Variants in LRPAP1 observed in about 807,000 individuals in gnomAD.
LRPAP1 encodes the protein LDL receptor related protein associated protein 1, also known as alpha-2-macroglobulin receptor-associated protein.
Under a neutral mutation model 39.9 loss-of-function variants are expected in LRPAP1, and 41 were observed. The observed-to-expected ratio is 1.03, with a 90% CI of 0.80 to 1.33. The LOEUF (loss-of-function observed/expected upper bound fraction) is 1.33. Ranked by LOEUF, LRPAP1 falls within the 40% of genes most tolerant of loss-of-function variation. LRPAP1 has a pLI of 0.00. For missense variants in LRPAP1, 565 were observed against 482.3 expected (o/e 1.17, Z -1.61); for synonymous variants, 263 against 212.7 (o/e 1.24, Z -2.06).
chr4:3,522,955 G>A (rs1275533083), intron 2 of LRPAP1, among the ~76,000 whole-genome samples: 1 of 152,164 alleles, frequency 6.6e-6, no homozygotes, highest in African/African-American at 2.4e-5. Flanking sequence ...GGGACCTCGG[G>A]GGTCCAGGGA....
intron 1 of LRPAP1, among the ~76,000 whole-genome samples, chr4:3,527,726 T>C (rs985840822): frequency 6.6e-6 from 1 of 152,192 alleles, no homozygotes; most frequent in African/African-American, 2.4e-5. Flanking sequence ...TGACTGCCCA[T>C]GGGCTGCCTG....
At chr4:3,520,953 AC>A (rs1486724578) in intron 2 of LRPAP1, among the ~76,000 whole-genome samples, 4 of 152,220 alleles carry the variant, frequency 2.6e-5, no homozygotes, top group African/African-American at 9.6e-5. Flanking sequence ...CAGGCGCTCG[AC>A]GCGGGCCCTG....
chr4:3,518,948 A>G lies in LRPAP1; in HGVS notation c.515T>C (p.Leu172Pro). 1 of 1,614,038 alleles carries G rather than the reference A, an allele frequency of 6.2e-7. No individual in the cohort carries two copies. The highest frequency in any genetic ancestry group is 8.5e-7 in the Non-Finnish European group (1 of 1,179,980). ...TTTGTGATGCAGGAACTCCCGCCAG[A>G]GCTTGTCCAGTTCTTCGCCGGAGAA... ...GKFSGEELDK[L>P]WREFLHHKEK... Residue 172 changes from leucine (L) to proline (P), a missense_variant, in exon 4 of 8, where the codon CTC becomes CCC. Leu to Pro is a moderately conservative substitution (Grantham distance 98). Coordinates refer to ENST00000650182, the MANE Select transcript of LRPAP1 (RefSeq NM_002337.4).
In LRPAP1 at chr4:3,509,804, G is replaced by A. The variant is rs994527629; in HGVS notation, c.*3170C>T. On this transcript the variant is annotated 3_prime_UTR_variant, in exon 8 of 8. Transcript: ENST00000650182. ...TGAGACGCCGACTGGAGTCACACAC[G>A]GCAGTCAACGCGTGGACACTGGAGA... The A allele has an allele frequency of 3.9e-5, 5 of 127,462 alleles. No individual in the cohort carries two copies. Among genetic ancestry groups the A allele is most frequent in the Admixed American group, 8.2e-5 (1 of 12,176 alleles). 7.9% of individuals were successfully genotyped at this position (127,462 alleles called of 1,614,324 possible).
rs940283148 is a variant in LRPAP1, at chr4:3,532,292, G to A, written c.121C>T (p.Gln41Ter). Residue 41 changes from glutamine to a stop codon, truncating the protein, a stop_gained, in exon 1 of 8, where the codon CAG becomes TAG. Coordinates refer to ENST00000650182, the MANE Select transcript of LRPAP1 (RefSeq NM_002337.4). LOFTEE classifies it high-confidence loss of function. ...TCGCGTTTCGGGGACGGCTTGGGCTGGTTCTTCTCCCGCGAGTACTTGCCG... is the reference window on the plus strand; with the variant it reads ...TCGCGTTTCGGGGACGGCTTGGGCTAGTTCTTCTCCCGCGAGTACTTGCCG... ...HGGKYSREKNQPKPSPKRESG... is the reference protein window; with the variant it reads ...HGGKYSREKN 3.8e-6 allele frequency: 6 copies of A among 1,567,236 alleles called. No homozygotes were observed. Among genetic ancestry groups the A allele is most frequent in the Non-Finnish European group, 4.3e-6 (5 of 1,155,434 alleles).
rs1388044108 is a variant in LRPAP1, at chr4:3,503,892, A to G, written c.*9082T>C. On this transcript the variant is annotated 3_prime_UTR_variant, in exon 8 of 8. Transcript: ENST00000650182. The stretch of plus-strand genomic sequence containing the variant: ...GCCAGGAAGGTAGAAACAAGGGAGA[A>G]GTGAGGGACCCAGGGGCCCAGGAAG... 1 of 152,342 alleles carries G rather than the reference A, an allele frequency of 6.6e-6. No individual in the cohort carries two copies. Among genetic ancestry groups the G allele is most frequent in the East Asian group, 1.9e-4 (1 of 5,198 alleles). 9.4% of individuals were successfully genotyped at this position (152,342 alleles called of 1,614,324 possible). A position where few individuals can be genotyped will look rare whatever the true frequency, so the allele number is the denominator to read the frequency against.
At chr4:3,523,317 C>T (rs561766057) in intron 2 of LRPAP1, among the ~76,000 whole-genome samples, 4 of 152,204 alleles carry the variant, frequency 2.6e-5, no homozygotes, top group Non-Finnish European at 5.9e-5. Flanking sequence ...CCACTAGACA[C>T]GCTGGTGGGG....
intron 2 of LRPAP1, among the ~76,000 whole-genome samples, chr4:3,520,995 T>A (rs796179285): frequency 1.3e-5 from 2 of 152,334 alleles, no homozygotes; most frequent in African/African-American, 4.8e-5. Context: ...GCACTTGGGA[T>A]GTGAGAGCAG....
chr4:3,503,940 T>G lies in LRPAP1; in HGVS notation c.*9034A>C, dbSNP rs1729276750. The G allele has an allele frequency of 6.6e-6, 1 of 152,320 alleles. No homozygotes were observed. Among genetic ancestry groups the G allele is most frequent in the Non-Finnish European group, 1.5e-5 (1 of 68,110 alleles). The allele number at this position is 152,320 out of a possible 1,614,324, so 9.4% of individuals were successfully genotyped here. A position where few individuals can be genotyped will look rare whatever the true frequency, so the allele number is the denominator to read the frequency against. ...AAGGTCGTGAGCGCCAAGCACCCAG[T>G]GCTGCTGCCCCAGGGCGTGGCCAGT... On this transcript the variant is annotated 3_prime_UTR_variant, in exon 8 of 8. Transcript: ENST00000650182.
At position 3,525,054 on chromosome 4, in the gene LRPAP1, G is replaced by C; in HGVS notation, c.205-3C>G. 6.2e-7 allele frequency: 1 copy of C among 1,613,886 alleles called. No homozygotes were observed. On this transcript the variant is annotated splice_polypyrimidine_tract_variant and splice_region_variant and intron_variant, in intron 1 of 7. Transcript: ENST00000650182. ...AGCCTCACGGGAGGAAGATGCAGCT[G>C]CGAACGAAGGGGAGGAGCCTGTGAG...
In LRPAP1 at chr4:3,506,367, C is replaced by T. The variant is rs542169762; in HGVS notation, c.*6607G>A. ...AGGCGGGAGCCACCCACACTTGGCTCAAGCTGGGTTTTTTTTTTTTTTTGA... is the reference window on the plus strand; with the variant it reads ...AGGCGGGAGCCACCCACACTTGGCTTAAGCTGGGTTTTTTTTTTTTTTTGA... On this transcript the variant is annotated 3_prime_UTR_variant, in exon 8 of 8. Coordinates refer to ENST00000650182, the MANE Select transcript of LRPAP1 (RefSeq NM_002337.4). 6.9e-6 allele frequency: 1 copy of T among 144,944 alleles called. No individual in the cohort carries two copies. Among genetic ancestry groups the T allele is most frequent in the African/African-American group, 2.6e-5 (1 of 39,054 alleles). The allele number at this position is 144,944 out of a possible 1,614,324, so 9.0% of individuals were successfully genotyped here. A position where few individuals can be genotyped will look rare whatever the true frequency, so the allele number is the denominator to read the frequency against.
rs766209555 is a variant in LRPAP1 at position 3,503,855 on chromosome 4, G to A, written c.*9119C>T. 2 of 152,294 alleles carry A rather than the reference G, an allele frequency of 1.3e-5. No individual in the cohort carries two copies. The highest frequency in any genetic ancestry group is 2.9e-5 in the Non-Finnish European group (2 of 68,068). The allele number at this position is 152,294 out of a possible 1,614,324, so 9.4% of individuals were successfully genotyped here. A position where few individuals can be genotyped will look rare whatever the true frequency, so the allele number is the denominator to read the frequency against. On this transcript the variant is annotated 3_prime_UTR_variant, in exon 8 of 8. Coordinates refer to ENST00000650182, the MANE Select transcript of LRPAP1 (RefSeq NM_002337.4). ...ACTGAATTTCTCCTTAAGAGCTGTG[G>A]GAATCTGACAAGCCAGGAAGGTAGA...
chr4:3,532,405 G>T lies in LRPAP1; in HGVS notation c.8C>A (p.Pro3Gln). 1.3e-6 allele frequency: 2 copies of T among 1,571,650 alleles called. No individual in the cohort carries two copies. Among genetic ancestry groups the T allele is most frequent in the Non-Finnish European group, 1.7e-6 (2 of 1,160,314 alleles). ...GCGCAGAAACGACCTGACCCTCCGC[G>T]GCGCCATCTTCCTCTGCGACTGGCG... The part of the protein sequence containing the change: MA[P>Q]RRVRSFLRGL... The change falls in exon 1 of 8, where the codon CCG (proline) becomes CAG (glutamine). Residue 3 changes from proline (P) to glutamine (Q), a missense_variant. Transcript: ENST00000650182.
rs1729456585 is a variant in LRPAP1 at position 3,509,865 on chromosome 4, CA to C, written c.*3108del. The C allele has an allele frequency of 6.6e-6, 1 of 151,814 alleles. No homozygotes were observed. The highest frequency in any genetic ancestry group is 6.6e-5 in the Admixed American group (1 of 15,266). 9.4% of individuals were successfully genotyped at this position (151,814 alleles called of 1,614,324 possible). A position where few individuals can be genotyped will look rare whatever the true frequency, so the allele number is the denominator to read the frequency against. On this transcript the variant is annotated 3_prime_UTR_variant, in exon 8 of 8. Transcript: ENST00000650182. ...GCCGACTGGAGTCACACACGGCAGT[CA>C]ACGCGTGGACACTGGAGACTGTTAA...
chr4:3,518,290 G>A lies in LRPAP1; in HGVS notation c.593-98C>T, dbSNP rs767412857. On this transcript the variant is annotated intron_variant, in intron 4 of 7. Coordinates refer to ENST00000650182, the MANE Select transcript of LRPAP1 (RefSeq NM_002337.4). Reference sequence around the variant, plus strand: ...GCCCACTGCTGGGGAGCTCAAACTCGCTCTCATTTCTGGGCTGAAAATGTC... The same window carrying A: ...GCCCACTGCTGGGGAGCTCAAACTCACTCTCATTTCTGGGCTGAAAATGTC... 289 of 1,314,734 alleles carry A rather than the reference G, an allele frequency of 2.2e-4. No individual in the cohort carries two copies. Among genetic ancestry groups the A allele is most frequent in the Non-Finnish European group, 2.8e-4 (276 of 972,304 alleles). The allele number at this position is 1,314,734 out of a possible 1,614,324, so 81.4% of individuals were successfully genotyped here. A position where few individuals can be genotyped will look rare whatever the true frequency, so the allele number is the denominator to read the frequency against.
intron 2 of LRPAP1, among the ~76,000 whole-genome samples, chr4:3,521,420 C>T (rs558854366): frequency 3.4e-4 from 52 of 152,300 alleles, no homozygotes; most frequent in Non-Finnish European, 6.2e-4. Flanking sequence ...CTACTCCCAG[C>T]GGGGCCTCCA....
intron 3 of LRPAP1, among the ~76,000 whole-genome samples, chr4:3,519,269 G>A (rs2108690675): frequency 1.3e-5 from 2 of 152,368 alleles, no homozygotes; most frequent in Middle Eastern, 6.8e-3. Flanking sequence ...GGACAGGGCA[G>A]CAGCCCGGTG....
intron 1 of LRPAP1, among the ~76,000 whole-genome samples, chr4:3,530,381 T>C (rs951705021): frequency 6.6e-6 from 1 of 152,214 alleles, no homozygotes; most frequent in African/African-American, 2.4e-5. Context: ...CTGCCTGCCA[T>C]AGTACCAGGC....
In LRPAP1 at chr4:3,518,902, G is replaced by GTTGTACTCGTGAAC. The variant is rs1334856054; in HGVS notation, c.547_560dup (p.Asn187LysfsTer12). The GTTGTACTCGTGAAC allele has an allele frequency of 6.2e-7, 1 of 1,612,996 alleles. No homozygotes were observed. Among genetic ancestry groups the GTTGTACTCGTGAAC allele is most frequent in the Non-Finnish European group, 8.5e-7 (1 of 1,179,808 alleles). On this transcript the variant is annotated frameshift_variant, in exon 4 of 8. Transcript: ENST00000650182. LOFTEE classifies it high-confidence loss of function. ...TCCTGCTCAGGGTCTCCAGCAGGACGTTGTACTCGTGAACTTTCTCTTTGT... is the reference window on the plus strand; with the variant it reads ...TCCTGCTCAGGGTCTCCAGCAGGACGTTGTACTCGTGAACTTGTACTCGTGAACTTTCTCTTTGT...
Sources: gnomAD v4.1 joint callset for allele counts (sites outside exome capture counted in the v4.1 genomes callset) on GRCh38, gnomAD v4.1.1 for gene constraint, MANE v1.5 for transcripts, NCBI Gene and HGNC (gene_info 2026-07-23, HGNC 2026-07-21) for gene names.